Variants in ABTB3 observed in about 807,000 individuals in gnomAD.
ABTB3 encodes ankyrin repeat and BTB domain containing 3.
the ABTB3 span, among the ~76,000 whole-genome samples, chr12:107,555,302 T>C: frequency 6.6e-6 from 1 of 152,184 alleles, no homozygotes; most frequent in Non-Finnish European, 1.5e-5. Flanking sequence ...TAAACACCTC[T>C]GGCCTCCAGG....
At chr12:107,340,191 TG>T in the ABTB3 span, among the ~76,000 whole-genome samples, 1 of 152,198 alleles carries the variant, frequency 6.6e-6, no homozygotes, top group African/African-American at 2.4e-5. Flanking sequence ...TCTTTTCATG[TG>T]TTGGAGTTGA....
At chr12:107,335,639 C>T in the ABTB3 span, among the ~76,000 whole-genome samples, 404 of 152,286 alleles carry the variant, frequency 2.7e-3, 1 homozygote, top group Admixed American at 3.9e-3. Context: ...GCAAGTCCTT[C>T]CTGCTCTGGC....
chr12:107,532,123 C>G, the ABTB3 span, among the ~76,000 whole-genome samples: 1 of 152,206 alleles, frequency 6.6e-6, no homozygotes, highest in Non-Finnish European at 1.5e-5. Context: ...GACCTAAAGA[C>G]AAGACCACCA....
At chr12:107,588,607 G>A in the ABTB3 span, among the ~76,000 whole-genome samples, 5 of 152,088 alleles carry the variant, frequency 3.3e-5, no homozygotes, top group African/African-American at 4.8e-5. Context: ...CTCAACCTCC[G>A]CCTCCCGGGT....
the ABTB3 span, among the ~76,000 whole-genome samples, chr12:107,494,786 G>A: frequency 1.3e-5 from 2 of 152,240 alleles, no homozygotes; most frequent in East Asian, 1.9e-4. Flanking sequence ...CCTACTGAGG[G>A]CTCTGCGCTG....
chr12:107,391,007 T>C, the ABTB3 span, among the ~76,000 whole-genome samples: 1 of 152,006 alleles, frequency 6.6e-6, no homozygotes, highest in Non-Finnish European at 1.5e-5. Flanking sequence ...AAAAATTAGC[T>C]GGGTGTGGTG....
At chr12:107,396,926 A>G in the ABTB3 span, among the ~76,000 whole-genome samples, 4 of 152,324 alleles carry the variant, frequency 2.6e-5, no homozygotes, top group East Asian at 7.7e-4. Flanking sequence ...ATTTACCTAT[A>G]AAAGAGCAAA....
chr12:107,572,702 G>C, the ABTB3 span, among the ~76,000 whole-genome samples: 3 of 152,202 alleles, frequency 2.0e-5, no homozygotes, highest in African/African-American at 7.2e-5. Flanking sequence ...GGAGATAAAT[G>C]ATTGAGCCAA....
chr12:107,372,662 G>T, the ABTB3 span, among the ~76,000 whole-genome samples: 3 of 152,106 alleles, frequency 2.0e-5, no homozygotes, highest in Non-Finnish European at 4.4e-5. Context: ...ACCCACCCCA[G>T]AGCCTCTATC....
the ABTB3 span, among the ~76,000 whole-genome samples, chr12:107,553,900 A>T: frequency 6.6e-6 from 1 of 152,200 alleles, no homozygotes; most frequent in Admixed American, 6.5e-5. Flanking sequence ...AGATTGTGCC[A>T]CTGCAGTCCA....
chr12:107,392,300 T>C, the ABTB3 span, among the ~76,000 whole-genome samples: 3 of 152,308 alleles, frequency 2.0e-5, no homozygotes, highest in South Asian at 6.2e-4. Context: ...CCCAGTGCTT[T>C]TGTGTTTTTA....
chr12:107,467,664 ACC>A, the ABTB3 span, among the ~76,000 whole-genome samples: 1 of 152,072 alleles, frequency 6.6e-6, no homozygotes, highest in Non-Finnish European at 1.5e-5. Flanking sequence ...ACACATCAAG[ACC>A]CAGCTATATC....
the ABTB3 span, chr12:107,616,941 G>T: frequency 1.4e-6 from 1 of 729,646 alleles, no homozygotes; most frequent in Non-Finnish European, 2.4e-6. Context: ...ATCCTCCAGG[G>T]TACAGTTGCC....
chr12:107,479,317 C>T, the ABTB3 span, among the ~76,000 whole-genome samples: 71 of 152,116 alleles, frequency 4.7e-4, no homozygotes, highest in African/African-American at 1.6e-3. Context: ...CACTAACACA[C>T]CCCCTGTTAG....
At chr12:107,452,289 G>A in the ABTB3 span, among the ~76,000 whole-genome samples, 7 of 144,602 alleles carry the variant, frequency 4.8e-5, no homozygotes, top group African/African-American at 1.8e-4. Flanking sequence ...CTCACTGCAA[G>A]CTCTGCCTCC....
the ABTB3 span, among the ~76,000 whole-genome samples, chr12:107,575,834 T>C: frequency 0.068 from 10,352 of 152,194 alleles, 1,147 homozygotes; most frequent in African/African-American, 0.23. Flanking sequence ...CTTTCACAGG[T>C]TCTAGGGATT....
chr12:107,654,834 A>ACACACATG, the ABTB3 span, among the ~76,000 whole-genome samples: 12 of 148,684 alleles, frequency 8.1e-5, no homozygotes, highest in African/African-American at 3.1e-4. Flanking sequence ...ACACACACAC[A>ACACACATG]CACACACACA....
chr12:107,427,338 G>C, the ABTB3 span, among the ~76,000 whole-genome samples: 1 of 151,664 alleles, frequency 6.6e-6, no homozygotes, highest in Non-Finnish European at 1.5e-5. Context: ...CTGGAGTGTA[G>C]TGGCACAATC....
chr12:107,394,759 G>A, the ABTB3 span, among the ~76,000 whole-genome samples: 39 of 152,330 alleles, frequency 2.6e-4, no homozygotes, highest in African/African-American at 9.1e-4. Flanking sequence ...CACAGAGCAA[G>A]CTCTCAGTAA....
Sources: allele counts gnomAD v4.1 joint callset (sites outside exome capture counted in the v4.1 genomes callset), GRCh38; gene constraint gnomAD v4.1.1; transcripts MANE v1.5; gene names NCBI Gene and HGNC (gene_info 2026-07-23, HGNC 2026-07-21).